Variants in TULP1 observed in about 807,000 individuals in gnomAD.
TULP1 encodes the protein tubby-related protein 1.
A neutral mutation model predicts 67.1 loss-of-function variants in TULP1; 50 were observed. The observed-to-expected ratio is 0.75, with a 90% CI of 0.59 to 0.94. The LOEUF is 0.94. Among genes scored for constraint, TULP1 ranks in the 40% least tolerant of loss-of-function variants. The pLI, the probability that TULP1 is intolerant of heterozygous loss-of-function variation, is 0.00. For missense variants in TULP1, 746 were observed against 734.1 expected, an observed-to-expected ratio of 1.02 and a Z score of -0.19; for synonymous variants, 297 against 294.0, an observed-to-expected ratio of 1.01 and a Z score of -0.11.
rs147366350 is a variant in TULP1 at position 35,505,090 on chromosome 6, C to T, written c.1112+651G>A. Among the ~76,000 whole-genome samples the T allele has an allele frequency of 5.3e-4, 81 of 152,050 alleles. No individual in the cohort carries two copies. The East Asian group carries it at 0.011, about 20-fold the overall frequency. On this transcript the variant is annotated intron_variant, in intron 11 of 14. Transcript: ENST00000229771. The stretch of plus-strand genomic sequence containing the variant: ...TAGCTGGGACTCCAGGTGCATGCCA[C>T]CACACCTGGCTAATTTTTGTATTTT...
rs117327238 is a variant in TULP1, at chr6:35,499,466, G to A, written c.1495+515C>T. Among the ~76,000 whole-genome samples the A allele has an allele frequency of 1.2e-4, 18 of 152,304 alleles. No individual in the cohort carries two copies. In the East Asian group the frequency reaches 3.5e-3, roughly 29 times the overall value. ...TAATAATGGCACTCTTCACAGGGAC[G>A]TTGAAGGGATTTAATGATTCAGTTA... On this transcript the variant is annotated intron_variant, in intron 14 of 14. Transcript: ENST00000229771.
intron 5 of TULP1, among the ~76,000 whole-genome samples, chr6:35,510,382 C>T (rs931634239): frequency 5.3e-5 from 8 of 152,172 alleles, no homozygotes; most frequent in African/African-American, 1.9e-4. Context: ...CTCCAGGAAA[C>T]CTTCTCTGGT....
At chr6:35,512,014 C>T in intron 3 of TULP1, 166 bp downstream of exon 3, 1 of 546,038 alleles carries the variant, frequency 1.8e-6, no homozygotes, top group Non-Finnish European at 3.1e-6. Flanking sequence ...CCCTTCTACA[C>T]CAACCCCAAC....
chr6:35,508,469 T>A (rs946481458), intron 8 of TULP1, among the ~76,000 whole-genome samples: 8 of 152,196 alleles, frequency 5.3e-5, no homozygotes, highest in African/African-American at 1.9e-4. Flanking sequence ...CTGCACAAAC[T>A]AATAAACCTA....
Position 35,498,236 on chromosome 6 carries a change from G to T in TULP1, c.*91C>A. On this transcript the variant is annotated 3_prime_UTR_variant, in exon 15 of 15. Transcript: ENST00000229771. The surrounding 1 kb of genome is among the most constrained non-coding windows in gnomAD (Gnocchi z 6.7). ...AGCCCCGACACAGGAGCAGTTTTCC[G>T]CGGGAGCTTTGCTGGAGGGACCCTG... 1.3e-6 allele frequency: 2 copies of T among 1,543,438 alleles called. No individual in the cohort carries two copies. The highest frequency in any genetic ancestry group is 2.4e-5 in the South Asian group (2 of 84,898).
intron 11 of TULP1, 171 bp downstream of exon 11, chr6:35,505,570 A>G: frequency 6.6e-7 from 1 of 1,521,684 alleles, no homozygotes; most frequent in Non-Finnish European, 8.8e-7. Flanking sequence ...CAACCATTTT[A>G]ACAAGCTCCC....
At position 35,511,658 on chromosome 6, in the gene TULP1, G is replaced by A. The variant is rs1174337620; in HGVS notation, c.339C>T (p.Asp113=). Reference sequence around the variant, plus strand: ...GGGGCCCTCTCTCACCGTCCTCCGCGTCTGGGGCACGGGCTACCAGAAAGG... The same window carrying A: ...GGGGCCCTCTCTCACCGTCCTCCGCATCTGGGGCACGGGCTACCAGAAAGG... ...RETFLVARAP[D]AEDEEEEEEE... Residue 113 remains aspartate (D), a synonymous_variant, in exon 4 of 15, where the codon GAC becomes GAT. Transcript: ENST00000229771. 6.3e-7 allele frequency: 1 copy of A among 1,594,476 alleles called. No homozygotes were observed. Among genetic ancestry groups the A allele is most frequent in the East Asian group, 2.3e-5 (1 of 43,972 alleles).
At chr6:35,507,382 C>T (rs545080119) in intron 8 of TULP1, among the ~76,000 whole-genome samples, 21 of 151,968 alleles carry the variant, frequency 1.4e-4, no homozygotes, top group Non-Finnish European at 2.4e-4. Flanking sequence ...CAGCTTCCTC[C>T]GAGACCCTGA....
At chr6:35,509,380 A>G in intron 7 of TULP1, 68 bp from the exon 8 acceptor site, 1 of 1,424,182 alleles carries the variant, frequency 7.0e-7, no homozygotes, top group Non-Finnish European at 9.9e-7. Flanking sequence ...TCCAACACCC[A>G]TGTCTCACTT....
rs1421216078 is a variant in TULP1 at position 35,503,110 on chromosome 6, T to C, written c.1323+449A>G. On this transcript the variant is annotated intron_variant, in intron 13 of 14. Transcript: ENST00000229771. The surrounding 1 kb of genome is among the most constrained non-coding windows in gnomAD (Gnocchi z 4.0). ...CCGCCACCATGCCCGGCTAATTTTT[T>C]TGTATTTTTAGTAGAGACGGGGTTT... is the stretch of plus-strand genomic sequence containing the variant. Among the ~76,000 whole-genome samples the C allele has an allele frequency of 2.0e-5, 3 of 151,868 alleles. No individual in the cohort carries two copies. The highest frequency in any genetic ancestry group is 7.3e-5 in the African/African-American group (3 of 41,336).
At chr6:35,506,207 G>A in intron 9 of TULP1, 34 bp from the exon 10 acceptor site, 4 of 1,612,550 alleles carry the variant, frequency 2.5e-6, no homozygotes, top group South Asian at 1.1e-5. Flanking sequence ...CAGCCCCAGA[G>A]CACCAGCTCC....
chr6:35,511,870 C>G (rs1292220123), intron 3 of TULP1, 64 bp from the exon 4 acceptor site: 1 of 1,466,068 alleles, frequency 6.8e-7, no homozygotes, highest in Non-Finnish European at 9.0e-7. Context: ...GCGCCTCTAC[C>G]CGCTACCCCC....
At position 35,507,845 on chromosome 6, in the gene TULP1, G is replaced by A. The variant is rs571025201; in HGVS notation, c.822+1364C>T. On this transcript the variant is annotated intron_variant, in intron 8 of 14. Transcript: ENST00000229771. Reference sequence around the variant, plus strand: ...TTTTATTTTTTTGAGATGGAGCCTCGCTCTTGTTGCCCAGGCTGGAATGCA... The same window carrying A: ...TTTTATTTTTTTGAGATGGAGCCTCACTCTTGTTGCCCAGGCTGGAATGCA... 6.6e-5 allele frequency among the ~76,000 whole-genome samples: 10 copies of A among 152,204 alleles called. No individual in the cohort carries two copies. The East Asian group carries it at 1.4e-3, about 21-fold the overall frequency.
intron 13 of TULP1, 39 bp from the exon 14 acceptor site, chr6:35,500,191 TAGAGATGGCTG>T (rs1209553787): frequency 6.2e-7 from 1 of 1,610,516 alleles, no homozygotes. Context: ...AGAGGACAGT[TAGAGATGGCTG>T]AGATGGCTCA....
rs781160404 is a variant in TULP1 at position 35,509,850 on chromosome 6, T to G, written c.578A>C (p.Lys193Thr). 31 of 1,614,080 alleles carry G rather than the reference T, an allele frequency of 1.9e-5. No individual in the cohort carries two copies. Among genetic ancestry groups the G allele is most frequent in the Non-Finnish European group, 2.5e-5 (30 of 1,180,014 alleles). Residue 193 changes from lysine to threonine, a missense_variant, in exon 6 of 15, where the codon AAG becomes ACG. Around this residue, in one of 3 missense-constraint regions of TULP1, gnomAD observed 359 missense variants for 341.9 expected, o/e 1.05. Transcript: ENST00000229771. ...ACCTTTCTTCTTGGTCTTTCTCATC[T>G]TGGTCCCCTCCCCTGCTGGAGCTTC... ...NKEAPAGEGTKMRKTKKKGSG... is the reference protein window; with the variant it reads ...NKEAPAGEGTTMRKTKKKGSG...
Position 35,505,802 on chromosome 6 carries a change from G to A in TULP1, c.1051C>T (p.Leu351Phe). 4 of 1,614,180 alleles carry A rather than the reference G, an allele frequency of 2.5e-6. No individual in the cohort carries two copies. The highest frequency in any genetic ancestry group is 3.4e-6 in the Non-Finnish European group (4 of 1,180,040). ...AGATTGGTAGGGTCGATGGAGATGAGGTAATTGGCTGTCTTGCTCCGTTTT... is the reference window on the plus strand; with the variant it reads ...AGATTGGTAGGGTCGATGGAGATGAAGTAATTGGCTGTCTTGCTCCGTTTT... ...KRKRSKTANYLISIDPTNLSR... is the reference protein window; with the variant it reads ...KRKRSKTANYFISIDPTNLSR... The change falls in exon 11 of 15, where the codon CTC (leucine) becomes TTC (phenylalanine). Residue 351 changes from leucine to phenylalanine, a missense_variant. Coordinates refer to ENST00000229771, the MANE Select transcript of TULP1 (RefSeq NM_003322.6).
At position 35,503,253 on chromosome 6, in the gene TULP1, T is replaced by G; in HGVS notation, c.1323+306A>C. 2.6e-6 allele frequency: 1 copy of G among 381,944 alleles called. No homozygotes were observed. Among genetic ancestry groups the G allele is most frequent in the Non-Finnish European group, 5.0e-6 (1 of 199,680 alleles). The allele number at this position is 381,944 out of a possible 1,614,324, so 23.7% of individuals were successfully genotyped here. A position where few individuals can be genotyped will look rare whatever the true frequency, so the allele number is the denominator to read the frequency against. Reference sequence around the variant, plus strand: ...GCGCCCGGCCCAGGGGTGCAGATCTTTGTTTTGTCCACTGATGTCTTCCAG... The same window carrying G: ...GCGCCCGGCCCAGGGGTGCAGATCTGTGTTTTGTCCACTGATGTCTTCCAG... On this transcript the variant is annotated intron_variant, in intron 13 of 14. Transcript: ENST00000229771. This position sits in a 1 kb window ranked among gnomAD's most constrained non-coding sequence, Gnocchi z 4.0.
rs771642090 is a variant in TULP1 at position 35,503,857 on chromosome 6, A to T, written c.1113-9T>A. 2.5e-6 allele frequency: 4 copies of T among 1,600,734 alleles called. No homozygotes were observed. The highest frequency in any genetic ancestry group is 3.4e-6 in the Non-Finnish European group (4 of 1,176,548). On this transcript the variant is annotated splice_polypyrimidine_tract_variant and intron_variant, in intron 11 of 14. Transcript: ENST00000229771. This position sits in a 1 kb window ranked among gnomAD's most constrained non-coding sequence, Gnocchi z 4.0. ...TCCCCAGGAGGTTGGACCTGCAAGC[A>T]GGGTAGAGCTTGGGGTGGGGCTGAG... is the stretch of plus-strand genomic sequence containing the variant.
chr6:35,498,000 A>C lies in TULP1; in HGVS notation c.*327T>G. The C allele has an allele frequency of 2.1e-6, 1 of 481,132 alleles. No homozygotes were observed. The highest frequency in any genetic ancestry group is 3.8e-6 in the Non-Finnish European group (1 of 263,454). 29.8% of individuals were successfully genotyped at this position (481,132 alleles called of 1,614,324 possible). On this transcript the variant is annotated 3_prime_UTR_variant, in exon 15 of 15. Transcript: ENST00000229771. Reference sequence around the variant, plus strand: ...CGCGGTCCCGGGGAGAGGGGAGGTTAAAACAACAATGACTACTGCTCCCGG... The same window carrying C: ...CGCGGTCCCGGGGAGAGGGGAGGTTCAAACAACAATGACTACTGCTCCCGG...
Sources: allele counts gnomAD v4.1 joint callset (sites outside exome capture counted in the v4.1 genomes callset), GRCh38; gene constraint gnomAD v4.1.1; regional missense constraint gnomAD v4.1.1; non-coding constraint Gnocchi (gnomAD v3.1); transcripts MANE v1.5; gene names NCBI Gene and HGNC (gene_info 2026-07-23, HGNC 2026-07-21).